Variants in TAOK3 observed in about 807,000 individuals in gnomAD.
TAOK3 encodes serine/threonine-protein kinase TAO3.
Under a neutral mutation model 120.4 loss-of-function variants are expected in TAOK3, and 40 were observed. The observed-to-expected ratio is 0.33, with a 90% CI of 0.26 to 0.43. The LOEUF (loss-of-function observed/expected upper bound fraction) is 0.43, where lower values mean the gene tolerates loss of function less well. Ranked by LOEUF, TAOK3 falls within the 20% of genes least tolerant of loss-of-function variation. The pLI is 1.00. For synonymous variants in TAOK3, 355 were observed against 387.5 expected (o/e 0.92, Z 0.99); for missense variants, 821 against 1,112.1 (o/e 0.74, Z 3.72).
intron 9 of TAOK3, among the ~76,000 whole-genome samples, chr12:118,226,483 G>A (rs991326028): frequency 3.3e-5 from 5 of 150,710 alleles, no homozygotes; most frequent in Non-Finnish European, 5.9e-5. Context: ...GCAGTGAGCC[G>A]AGATCGTGCC....
At chr12:118,231,223 G>T (rs1300832613) in intron 9 of TAOK3, among the ~76,000 whole-genome samples, 1 of 152,112 alleles carries the variant, frequency 6.6e-6, no homozygotes, top group Non-Finnish European at 1.5e-5. Context: ...TGCGTGTGTT[G>T]GCAGGGGTGG....
At chr12:118,357,901 T>C (rs1003597333) in intron 1 of TAOK3, among the ~76,000 whole-genome samples, 1 of 152,240 alleles carries the variant, frequency 6.6e-6, no homozygotes, top group African/African-American at 2.4e-5. Flanking sequence ...TCCTTTTTCA[T>C]ACATTAGAAA....
chr12:118,344,292 AG>A (rs1367954797), intron 1 of TAOK3, among the ~76,000 whole-genome samples: 1 of 151,388 alleles, frequency 6.6e-6, no homozygotes, highest in African/African-American at 2.4e-5. Flanking sequence ...CATGTGTCAT[AG>A]TAAATACATT....
At chr12:118,231,437 C>G (rs1165366624) in intron 9 of TAOK3, among the ~76,000 whole-genome samples, 1 of 149,640 alleles carries the variant, frequency 6.7e-6, no homozygotes, top group Non-Finnish European at 1.5e-5. Context: ...GCATCTTTAT[C>G]ATATGTTGTT....
intron 20 of TAOK3, 131 bp from the exon 21 acceptor site, chr12:118,151,289 G>GCACACACACACACACACACA (rs773751889): frequency 2.0e-5 from 5 of 253,124 alleles, no homozygotes; most frequent in South Asian, 1.6e-4. Flanking sequence ...GCGCGCGCGC[G>GCACACACACACACACACACA]CACACACACA....
intron 1 of TAOK3, among the ~76,000 whole-genome samples, chr12:118,334,784 G>A (rs1447163640): frequency 4.0e-5 from 6 of 151,860 alleles, no homozygotes; most frequent in Non-Finnish European, 7.4e-5. Context: ...GCTGAGGCGG[G>A]AGAATCACTT....
intron 1 of TAOK3, among the ~76,000 whole-genome samples, chr12:118,350,185 C>T (rs2045070901): frequency 6.6e-6 from 1 of 152,164 alleles, no homozygotes; most frequent in African/African-American, 2.4e-5. Context: ...ATATGAATGA[C>T]ATCTTGGGGC....
chr12:118,255,472 A>G lies in TAOK3; in HGVS notation c.96T>C (p.His32=), dbSNP rs1169431341. Residue 32 remains histidine (H), a synonymous_variant, in exon 3 of 21, where the codon CAT becomes CAC. Transcript: ENST00000392533. Reference sequence around the variant, plus strand: ...CAAAATAAACTGCTCCAAAACTTCCATGTCCAATTTCATGCAAACCAATAA... The same window carrying G: ...CAAAATAAACTGCTCCAAAACTTCCGTGTCCAATTTCATGCAAACCAATAA... ...ELFIGLHEIG[H]GSFGAVYFAT... The G allele has an allele frequency of 8.7e-6, 14 of 1,613,982 alleles. No individual in the cohort carries two copies. The highest frequency in any genetic ancestry group is 1.2e-5 in the Non-Finnish European group (14 of 1,180,020).
At chr12:118,228,016 T>G (rs1197635464) in intron 9 of TAOK3, among the ~76,000 whole-genome samples, 5 of 152,170 alleles carry the variant, frequency 3.3e-5, no homozygotes, top group African/African-American at 2.4e-5. Context: ...AATCTTGTCA[T>G]ATTTGTTTCA....
chr12:118,322,992 A>G (rs2043786354), intron 1 of TAOK3, among the ~76,000 whole-genome samples: 1 of 152,066 alleles, frequency 6.6e-6, no homozygotes, highest in Non-Finnish European at 1.5e-5. Flanking sequence ...GATTACAGGC[A>G]TGAGTCACCC....
intron 19 of TAOK3, among the ~76,000 whole-genome samples, chr12:118,153,899 A>C (rs1257362793): frequency 6.6e-6 from 1 of 152,236 alleles, no homozygotes; most frequent in East Asian, 1.9e-4. Flanking sequence ...TTAAAGGAAC[A>C]AAATAAATTA....
At chr12:118,238,652 G>C (rs79497349) in intron 6 of TAOK3, among the ~76,000 whole-genome samples, 1 of 96,446 alleles carries the variant, frequency 1.0e-5, no homozygotes, top group African/African-American at 4.1e-5. Context: ...TTTTTTTTTT[G>C]AGACAGGGGT....
chr12:118,366,716 G>A (rs1184220383), intron 1 of TAOK3, among the ~76,000 whole-genome samples: 4 of 152,264 alleles, frequency 2.6e-5, no homozygotes, highest in Non-Finnish European at 5.9e-5. Flanking sequence ...ACTCCAGCAT[G>A]TAAATTCCTA....
chr12:118,245,087 C>T, intron 3 of TAOK3, 122 bp from the exon 4 acceptor site: 1 of 596,524 alleles, frequency 1.7e-6, no homozygotes, highest in Non-Finnish European at 2.7e-6. Context: ...CATTCTGTCG[C>T]TCAGGCTGGA....
intron 1 of TAOK3, among the ~76,000 whole-genome samples, chr12:118,356,050 T>C (rs773697931): frequency 2.6e-5 from 4 of 152,182 alleles, no homozygotes; most frequent in Non-Finnish European, 5.9e-5. Context: ...GATATGCTGC[T>C]GATCATGTAA....
intron 1 of TAOK3, among the ~76,000 whole-genome samples, chr12:118,318,443 G>C (rs569926055): frequency 2.0e-5 from 3 of 152,050 alleles, no homozygotes; most frequent in Non-Finnish European, 4.4e-5. Context: ...GGTGTGAGCC[G>C]CTGCGCCTGG....
Position 118,243,403 on chromosome 12 carries a change from C to T in TAOK3, c.294+12G>A, listed in dbSNP as rs1205053445. ...TGTAATAGTAAAAGATAATAGAGGTCCTTCGACTTACCCAAGCAGTGTGTT... is the reference window on the plus strand; with the variant it reads ...TGTAATAGTAAAAGATAATAGAGGTTCTTCGACTTACCCAAGCAGTGTGTT... On this transcript the variant is annotated intron_variant, in intron 5 of 20. Transcript: ENST00000392533. 6.9e-7 allele frequency: 1 copy of T among 1,444,268 alleles called. No homozygotes were observed. Among genetic ancestry groups the T allele is most frequent in the Admixed American group, 1.9e-5 (1 of 51,392 alleles). The allele number at this position is 1,444,268 out of a possible 1,614,324, so 89.5% of individuals were successfully genotyped here.
At chr12:118,335,013 T>C (rs936628314) in intron 1 of TAOK3, among the ~76,000 whole-genome samples, 2 of 151,700 alleles carry the variant, frequency 1.3e-5, no homozygotes, top group African/African-American at 2.4e-5. Context: ...ACCCCAACTC[T>C]ACTAAAAATA....
chr12:118,314,002 A>T (rs2043356796), intron 1 of TAOK3, among the ~76,000 whole-genome samples: 1 of 152,200 alleles, frequency 6.6e-6, no homozygotes, highest in Non-Finnish European at 1.5e-5. Context: ...AGTGAAGAGA[A>T]AGCCTAAGAA....
Sources: gnomAD v4.1 joint callset for allele counts (sites outside exome capture counted in the v4.1 genomes callset) on GRCh38, gnomAD v4.1.1 for gene constraint, MANE v1.5 for transcripts, NCBI Gene and HGNC (gene_info 2026-07-23, HGNC 2026-07-21) for gene names.